PCDHGA5: variants seen among roughly 807,000 people sequenced by gnomAD.
PCDHGA5 encodes protocadherin gamma subfamily A, 5.
PCDHGA5 carries 36 observed loss-of-function variants against 56.7 expected under a neutral mutation model. That is an observed-to-expected ratio of 0.64 (90% CI 0.49 to 0.84). The LOEUF is 0.84. Among genes scored for constraint, PCDHGA5 ranks in the 40% least tolerant of loss-of-function variants. PCDHGA5 has a pLI of 0.00. For synonymous variants in PCDHGA5, 563 were observed against 520.2 expected (o/e 1.08, Z -1.12); for missense variants, 1,305 against 1,201.5 (o/e 1.09, Z -1.27).
At chr5:141,497,839 A>G (rs1399696596) in intron 2 of PCDHGA5, among the ~76,000 whole-genome samples, 1 of 152,044 alleles carries the variant, frequency 6.6e-6, no homozygotes, top group East Asian at 1.9e-4. Flanking sequence ...CCCGGCCACA[A>G]CAAACATTTT....
intron 1 of PCDHGA5, among the ~76,000 whole-genome samples, chr5:141,449,345 T>C (rs2154562594): frequency 1.3e-5 from 2 of 151,644 alleles, no homozygotes; most frequent in South Asian, 4.2e-4. Context: ...AGTGGCTCAC[T>C]CCTGTAATCC....
chr5:141,495,122 C>T (rs1365586518), intron 2 of PCDHGA5, among the ~76,000 whole-genome samples: 2 of 152,282 alleles, frequency 1.3e-5, no homozygotes, highest in East Asian at 3.9e-4. Flanking sequence ...TTCCTATCCC[C>T]TGAGGGCACT....
rs374095590 is a variant in PCDHGA5, at chr5:141,431,523, T to C, written c.2422-63284T>C. On this transcript the variant is annotated intron_variant, in intron 1 of 3. Coordinates refer to ENST00000518069, the MANE Select transcript of PCDHGA5 (RefSeq NM_018918.3). This position sits in a 1 kb window ranked among gnomAD's most constrained non-coding sequence, Gnocchi z 4.8. ...TACCGCGCGAGCGTTCCGGAGAATC[T>C]GGCCTTGGGCACGCAGCTGCTTGTA... 13 of 1,613,952 alleles carry C rather than the reference T, an allele frequency of 8.1e-6. No homozygotes were observed. The African/African-American group carries it at 1.5e-4, about 18-fold the overall frequency.
chr5:141,423,225 C>G (rs763729316), intron 1 of PCDHGA5: 3 of 1,613,686 alleles, frequency 1.9e-6, no homozygotes, highest in Admixed American at 1.7e-5. Context: ...TGGCTGTGGC[C>G]GACAGCATCC....
chr5:141,409,360 A>G (rs746614262), intron 1 of PCDHGA5: 2 of 1,614,014 alleles, frequency 1.2e-6, no homozygotes, highest in Admixed American at 3.3e-5. Flanking sequence ...GGTGTAATAT[A>G]GAAACAGACA....
rs376734880 is a variant in PCDHGA5 at position 141,400,487 on chromosome 5, T to C, written c.2421+33736T>C. On this transcript the variant is annotated intron_variant, in intron 1 of 3. Coordinates refer to ENST00000518069, the MANE Select transcript of PCDHGA5 (RefSeq NM_018918.3). Reference sequence around the variant, plus strand: ...GATTCATCTGGGGCCTTATTTCCACTTTGTAATTCCAGCGAGTCGACTTCC... The same window carrying C: ...GATTCATCTGGGGCCTTATTTCCACCTTGTAATTCCAGCGAGTCGACTTCC... 4.8e-5 allele frequency: 78 copies of C among 1,613,958 alleles called. No individual in the cohort carries two copies. Among genetic ancestry groups the C allele is most frequent in the Non-Finnish European group, 6.6e-5 (78 of 1,179,896 alleles).
Position 141,386,264 on chromosome 5 carries a change from A to T in PCDHGA5, c.2421+19513A>T, listed in dbSNP as rs115810695. Among the ~76,000 whole-genome samples the T allele has an allele frequency of 6.0e-3, 910 of 152,346 alleles. 6 individuals are homozygous for T. Among genetic ancestry groups the T allele is most frequent in the African/African-American group, 0.02 (846 of 41,566 alleles). On this transcript the variant is annotated intron_variant, in intron 1 of 3. Coordinates refer to ENST00000518069, the MANE Select transcript of PCDHGA5 (RefSeq NM_018918.3). ...TTGGAAATAACCCAATCTGGGATTA[A>T]CTACTTCCATATTCTTTTGTATAAC...
intron 1 of PCDHGA5, chr5:141,388,233 T>C (rs924261107): frequency 1.2e-6 from 2 of 1,608,114 alleles, no homozygotes; most frequent in South Asian, 1.1e-5. Flanking sequence ...ACTGAACTTT[T>C]ATCACGTGAA....
At chr5:141,449,436 A>T (rs1177598228) in intron 1 of PCDHGA5, among the ~76,000 whole-genome samples, 1 of 151,792 alleles carries the variant, frequency 6.6e-6, no homozygotes, top group African/African-American at 2.4e-5. Flanking sequence ...ATAAAACTCC[A>T]TCTCTACTAA....
At chr5:141,409,104 T>C in intron 1 of PCDHGA5, 3 of 1,613,960 alleles carry the variant, frequency 1.9e-6, no homozygotes, top group Non-Finnish European at 2.5e-6. Context: ...ACAGGTATGA[T>C]TAAGAATAAC....
At chr5:141,468,783 G>A (rs908838744) in intron 1 of PCDHGA5, among the ~76,000 whole-genome samples, 7 of 151,460 alleles carry the variant, frequency 4.6e-5, no homozygotes, top group South Asian at 2.1e-4. Context: ...GGAGAATGGC[G>A]TGAACCCGGG....
chr5:141,373,819 A>G, intron 1 of PCDHGA5: 1 of 365,074 alleles, frequency 2.7e-6, no homozygotes, highest in Non-Finnish European at 4.9e-6. Context: ...GTTTCACAAA[A>G]CGATGCAGTA....
intron 1 of PCDHGA5, among the ~76,000 whole-genome samples, chr5:141,464,525 A>G (rs919668801): frequency 3.3e-5 from 5 of 152,064 alleles, no homozygotes; most frequent in Non-Finnish European, 5.9e-5. Context: ...AGGCATATGT[A>G]GTTTTGTTAA....
At chr5:141,376,042 T>G (rs768343920) in intron 1 of PCDHGA5, 34 of 1,613,010 alleles carry the variant, frequency 2.1e-5, no homozygotes, top group Middle Eastern at 1.7e-4. Flanking sequence ...GCCAGCCCCC[T>G]CTCTCCGCCA....
chr5:141,443,309 C>T (rs2098379780), intron 1 of PCDHGA5, among the ~76,000 whole-genome samples: 1 of 131,436 alleles, frequency 7.6e-6, no homozygotes, highest in African/African-American at 3.4e-5. Flanking sequence ...GGCAAAAACC[C>T]ATCTCTACAA....
chr5:141,366,034 C>T lies in PCDHGA5; in HGVS notation c.1704C>T (p.Pro568=), dbSNP rs1764274973. 4 of 1,614,144 alleles carry T rather than the reference C, an allele frequency of 2.5e-6. No individual in the cohort carries two copies. The highest frequency in any genetic ancestry group is 2.5e-6 in the Non-Finnish European group (3 of 1,180,060). The change falls in exon 1 of 4, where the codon CCC becomes CCT. Residue 568 remains proline (P), a synonymous_variant. Transcript: ENST00000518069. ...NTPEILYPAL[P]TDGSTGVELA... ...CTGAGATCCTGTACCCCGCCCTCCC[C>T]ACAGACGGTTCCACGGGCGTGGAGC...
chr5:141,427,865 G>A, intron 1 of PCDHGA5: 1 of 1,558,148 alleles, frequency 6.4e-7, no homozygotes. Flanking sequence ...GCGCCTTCGA[G>A]CTCACGATGC....
chr5:141,408,336 C>A, intron 1 of PCDHGA5: 1 of 1,613,910 alleles, frequency 6.2e-7, no homozygotes, highest in Non-Finnish European at 8.5e-7. Flanking sequence ...GCCAAGGGCT[C>A]GGTGGTGGGG....
intron 1 of PCDHGA5, chr5:141,383,173 C>A (rs1481900327): frequency 1.2e-6 from 2 of 1,614,064 alleles, no homozygotes; most frequent in South Asian, 1.1e-5. Context: ...CAGGATAGAC[C>A]GGGAAGAGAT....
Sources: allele counts gnomAD v4.1 joint callset (sites outside exome capture counted in the v4.1 genomes callset), GRCh38; gene constraint gnomAD v4.1.1; non-coding constraint Gnocchi (gnomAD v3.1); transcripts MANE v1.5; gene names NCBI Gene and HGNC (gene_info 2026-07-23, HGNC 2026-07-21).